The following CARMIL1 variants were observed in gnomAD, a reference collection of about 807,000 sequenced individuals.
CARMIL1 encodes the protein capping protein regulator and myosin 1 linker 1.
A neutral mutation model predicts 177.1 loss-of-function variants in CARMIL1; 90 were observed. The ratio of observed to expected loss-of-function variants is 0.51; its 90% confidence interval spans 0.43 to 0.61. CARMIL1 has a LOEUF of 0.61. Ranked by LOEUF, CARMIL1 falls within the 20% of genes least tolerant of loss-of-function variation. The pLI is 0.00. For synonymous variants in CARMIL1, 577 were observed against 606.2 expected (o/e 0.95, Z 0.71); for missense variants, 1,380 against 1,667.0 (o/e 0.83, Z 3.00).
chr6:25,575,264 G>A (rs1051044888), intron 29 of CARMIL1, among the ~76,000 whole-genome samples: 3 of 152,194 alleles, frequency 2.0e-5, no homozygotes, highest in African/African-American at 7.2e-5. Context: ...AAGAGTAGCA[G>A]AATGAACTAT....
chr6:25,401,250 AT>A (rs1325789236), intron 2 of CARMIL1, among the ~76,000 whole-genome samples: 86 of 151,780 alleles, frequency 5.7e-4, no homozygotes, highest in African/African-American at 2.0e-3. Flanking sequence ...TAATTTTAAT[AT>A]TCCCCCCCAG....
intron 11 of CARMIL1, among the ~76,000 whole-genome samples, chr6:25,477,973 A>AGTC (rs1801732799): frequency 6.7e-6 from 1 of 148,430 alleles, no homozygotes; most frequent in Admixed American, 6.8e-5. Flanking sequence ...CTCCCCACTC[A>AGTC]GTCTCCCAAG....
intron 2 of CARMIL1, among the ~76,000 whole-genome samples, chr6:25,391,894 A>G (rs747360921): frequency 4.6e-5 from 7 of 152,222 alleles, no homozygotes; most frequent in Non-Finnish European, 8.8e-5. Flanking sequence ...TACAACTTGA[A>G]CTAAAAAATT....
chr6:25,448,138 A>G (rs777076717), intron 5 of CARMIL1, among the ~76,000 whole-genome samples: 1 of 152,048 alleles, frequency 6.6e-6, no homozygotes, highest in Non-Finnish European at 1.5e-5. Context: ...TATGTTTTCT[A>G]TTTCTCAATT....
chr6:25,329,874 C>T (rs1478376569), intron 2 of CARMIL1, among the ~76,000 whole-genome samples: 1 of 152,150 alleles, frequency 6.6e-6, no homozygotes, highest in South Asian at 2.1e-4. Context: ...AAGTTATTTG[C>T]GAAGTTTTAG....
chr6:25,408,615 A>G (rs1794622198), intron 2 of CARMIL1, among the ~76,000 whole-genome samples: 1 of 152,166 alleles, frequency 6.6e-6, no homozygotes, highest in Non-Finnish European at 1.5e-5. Flanking sequence ...CTTTCTCAAA[A>G]TCATTCGTGC....
At chr6:25,496,611 C>G (rs927787937) in intron 16 of CARMIL1, among the ~76,000 whole-genome samples, 2 of 152,036 alleles carry the variant, frequency 1.3e-5, no homozygotes, top group African/African-American at 4.8e-5. Flanking sequence ...ATAAACACCT[C>G]ATGATTTGGC....
chr6:25,325,192 A>T (rs1447738991), intron 2 of CARMIL1, among the ~76,000 whole-genome samples: 1 of 152,098 alleles, frequency 6.6e-6, no homozygotes, highest in African/African-American at 2.4e-5. Context: ...TCATTTGTTG[A>T]GCTGTGCCCT....
intron 24 of CARMIL1, among the ~76,000 whole-genome samples, chr6:25,536,487 A>G (rs756113761): frequency 2.0e-4 from 30 of 152,154 alleles, no homozygotes; most frequent in Non-Finnish European, 3.2e-4. Context: ...ATGTAACCTC[A>G]ATATATTTTA....
In CARMIL1 at chr6:25,305,155, C is replaced by T. The variant is rs148813116; in HGVS notation, c.138+20246C>T. ...CTTTGTTTGCTTGTCTCTTTGGGGG[C>T]AGATACACGGGCATTTAAAGAGCCA... On this transcript the variant is annotated intron_variant, in intron 2 of 36. Transcript: ENST00000329474. Among the ~76,000 whole-genome samples the T allele has an allele frequency of 2.9e-4, 44 of 152,214 alleles. No homozygotes were observed. In the East Asian group the frequency reaches 7.9e-3, roughly 27 times the overall value.
intron 2 of CARMIL1, among the ~76,000 whole-genome samples, chr6:25,335,968 C>T (rs1463247188): frequency 6.6e-6 from 1 of 152,164 alleles, no homozygotes; most frequent in African/African-American, 2.4e-5. Flanking sequence ...GCCATTGTTA[C>T]TGCTCTGTTA....
chr6:25,523,868 A>G (rs115719386), intron 23 of CARMIL1, among the ~76,000 whole-genome samples: 2,839 of 152,314 alleles, frequency 0.019, 66 homozygotes, highest in African/African-American at 0.056. Context: ...CTTAAACAGT[A>G]AGTGATGAAT....
intron 2 of CARMIL1, among the ~76,000 whole-genome samples, chr6:25,407,317 A>C (rs1228347409): frequency 6.6e-6 from 1 of 152,034 alleles, no homozygotes; most frequent in Non-Finnish European, 1.5e-5. Context: ...TTGGATATTT[A>C]GAGATGGAAG....
chr6:25,467,304 C>T (rs1420685805), intron 9 of CARMIL1, among the ~76,000 whole-genome samples: 1 of 152,058 alleles, frequency 6.6e-6, no homozygotes. Flanking sequence ...GGGACCATTT[C>T]CAGGACTGAG....
In CARMIL1 at chr6:25,509,836, TAA is replaced by T; in HGVS notation, c.1477+105_1477+106del. On this transcript the variant is annotated intron_variant, in intron 18 of 36. Coordinates refer to ENST00000329474, the MANE Select transcript of CARMIL1 (RefSeq NM_017640.6). The surrounding 1 kb of genome is among the most constrained non-coding windows in gnomAD (Gnocchi z 4.1). ...TACCCAAATCCAAACAATAGCTTAATAAAAAAATTGTTTTTTATTTTTTGACT... is the reference window on the plus strand; with the variant it reads ...TACCCAAATCCAAACAATAGCTTAATAAAAATTGTTTTTTATTTTTTGACT... 1 of 807,130 alleles carries T rather than the reference TAA, an allele frequency of 1.2e-6. No individual in the cohort carries two copies. The allele number at this position is 807,130 out of a possible 1,614,324, so 50.0% of individuals were successfully genotyped here.
At chr6:25,384,358 C>G (rs12205097) in intron 2 of CARMIL1, among the ~76,000 whole-genome samples, 2,978 of 152,328 alleles carry the variant, frequency 0.02, 44 homozygotes, top group Middle Eastern at 0.048. Context: ...TAGCCAGCAC[C>G]TGTGTCAAAG....
chr6:25,619,508 C>CA lies in CARMIL1; in HGVS notation c.4042dup (p.Ser1348LysfsTer2), dbSNP rs766539869. 5.0e-6 allele frequency: 8 copies of CA among 1,613,724 alleles called. No homozygotes were observed. Among genetic ancestry groups the CA allele is most frequent in the Non-Finnish European group, 6.8e-6 (8 of 1,179,842 alleles). ...ATCAAGAACAAAAGCAACGGTCCTC[C>CA]AGTAAAGATGGCCATCAAGGCAGCA... On this transcript the variant is annotated frameshift_variant, in exon 37 of 37. Coordinates refer to ENST00000329474, the MANE Select transcript of CARMIL1 (RefSeq NM_017640.6). LOFTEE classifies it high-confidence loss of function.
At chr6:25,337,774 A>G (rs924079091) in intron 2 of CARMIL1, among the ~76,000 whole-genome samples, 1 of 152,230 alleles carries the variant, frequency 6.6e-6, no homozygotes, top group Non-Finnish European at 1.5e-5. Flanking sequence ...TTAACAAAGA[A>G]TCATGTTTGG....
chr6:25,324,269 G>C (rs1446807401), intron 2 of CARMIL1, among the ~76,000 whole-genome samples: 1 of 152,194 alleles, frequency 6.6e-6, no homozygotes, highest in East Asian at 1.9e-4. Context: ...TACAGAGCTG[G>C]GGAGGCCCTG....
Sources: allele counts gnomAD v4.1 joint callset (sites outside exome capture counted in the v4.1 genomes callset), GRCh38; gene constraint gnomAD v4.1.1; non-coding constraint Gnocchi (gnomAD v3.1); transcripts MANE v1.5; gene names NCBI Gene and HGNC (gene_info 2026-07-23, HGNC 2026-07-21).